Variants in ADGB observed in about 807,000 individuals in gnomAD.
ADGB encodes calpain-7-like protein.
A neutral mutation model predicts 210.5 loss-of-function variants in ADGB; 172 were observed. The ratio of observed to expected loss-of-function variants is 0.82; its 90% CI spans 0.72 to 0.93. The LOEUF is 0.93. ADGB is among the 40% of genes least tolerant of loss of function. The pLI is 0.00. For synonymous variants in ADGB, 658 were observed against 662.7 expected, an observed-to-expected ratio of 0.99 and a Z score of 0.11; for missense variants, 2,025 against 1,964.8, an observed-to-expected ratio of 1.03 and a Z score of -0.58.
At chr6:146,788,282 T>A (rs190439915) in intron 32 of ADGB, 107 bp from the exon 33 acceptor site, 12 of 1,017,640 alleles carry the variant, frequency 1.2e-5, no homozygotes, top group Non-Finnish European at 1.8e-5. Flanking sequence ...ATAGAGCTTT[T>A]GAGTCATCTG....
intron 9 of ADGB, among the ~76,000 whole-genome samples, chr6:146,684,477 G>A (rs1171838747): frequency 6.6e-6 from 1 of 152,140 alleles, no homozygotes; most frequent in East Asian, 1.9e-4. Flanking sequence ...ACTGGTCACT[G>A]CTGAGGGCCA....
intron 1 of ADGB, among the ~76,000 whole-genome samples, chr6:146,628,113 T>A (rs1025396341): frequency 6.6e-6 from 1 of 152,112 alleles, no homozygotes; most frequent in Non-Finnish European, 1.5e-5. Flanking sequence ...AGATGATAGA[T>A]TTTAAAGTCG....
intron 10 of ADGB, among the ~76,000 whole-genome samples, chr6:146,688,194 G>C (rs1413464065): frequency 6.6e-6 from 1 of 151,984 alleles, no homozygotes; most frequent in Non-Finnish European, 1.5e-5. Context: ...AATACAATTA[G>C]AACAGAAGGC....
chr6:146,652,273 T>C (rs1182844718), intron 3 of ADGB, among the ~76,000 whole-genome samples: 1 of 152,234 alleles, frequency 6.6e-6, no homozygotes, highest in Non-Finnish European at 1.5e-5. Flanking sequence ...ATGTATAGCT[T>C]ATCAACTTTG....
chr6:146,634,507 C>T (rs1203963113), intron 1 of ADGB, among the ~76,000 whole-genome samples: 1 of 151,870 alleles, frequency 6.6e-6, no homozygotes, highest in Non-Finnish European at 1.5e-5. Context: ...AAAACTTGAA[C>T]ATTAAATAAT....
At chr6:146,742,636 T>C (rs1437980353) in intron 25 of ADGB, among the ~76,000 whole-genome samples, 1 of 152,204 alleles carries the variant, frequency 6.6e-6, no homozygotes, top group Non-Finnish European at 1.5e-5. Flanking sequence ...ACATATCACT[T>C]AAAAACAGAA....
At chr6:146,674,966 T>A (rs528045435) in intron 8 of ADGB, among the ~76,000 whole-genome samples, 2 of 152,312 alleles carry the variant, frequency 1.3e-5, no homozygotes, top group South Asian at 4.1e-4. Flanking sequence ...TTGAAAATTA[T>A]ACATGCACTC....
chr6:146,616,681 A>T (rs1164172521), intron 1 of ADGB, among the ~76,000 whole-genome samples: 1 of 152,110 alleles, frequency 6.6e-6, no homozygotes, highest in Non-Finnish European at 1.5e-5. Flanking sequence ...TTTATTAAAA[A>T]GACTGTTCTT....
intron 13 of ADGB, among the ~76,000 whole-genome samples, chr6:146,706,849 T>C (rs1776578880): frequency 6.7e-6 from 1 of 150,286 alleles, no homozygotes; most frequent in Non-Finnish European, 1.5e-5. Flanking sequence ...CTTAGTGTTT[T>C]TTTTTTTTTT....
chr6:146,741,642 T>C (rs1400619426), intron 25 of ADGB, among the ~76,000 whole-genome samples: 1 of 152,096 alleles, frequency 6.6e-6, no homozygotes, highest in East Asian at 1.9e-4. Flanking sequence ...TCCCACTGGG[T>C]TTTTATTCTA....
chr6:146,751,598 G>A (rs996123521), intron 26 of ADGB, among the ~76,000 whole-genome samples: 3 of 151,994 alleles, frequency 2.0e-5, no homozygotes. Flanking sequence ...TCTCACCAAC[G>A]GTGTAAAAGA....
chr6:146,641,394 A>C (rs1775511725), intron 2 of ADGB, among the ~76,000 whole-genome samples: 1 of 151,962 alleles, frequency 6.6e-6, no homozygotes, highest in Non-Finnish European at 1.5e-5. Flanking sequence ...ACTAGAAAAA[A>C]CTATTTTAAA....
At chr6:146,739,052 G>A (rs1381788943) in intron 23 of ADGB, among the ~76,000 whole-genome samples, 1 of 152,156 alleles carries the variant, frequency 6.6e-6, no homozygotes, top group Admixed American at 6.5e-5. Flanking sequence ...TAGCTCATCA[G>A]GATTTTGATG....
At position 146,638,609 on chromosome 6, in the gene ADGB, T is replaced by TC. The variant is rs1554221993; in HGVS notation, c.237+3072_237+3073insC. 9.1e-4 allele frequency among the ~76,000 whole-genome samples: 22 copies of TC among 24,154 alleles called. 1 individual carries two copies. In the South Asian group the frequency reaches 0.032, roughly 35 times the overall value. 15.8% of individuals were successfully genotyped at this position (24,154 alleles called of 152,430 possible). A position where few individuals can be genotyped will look rare whatever the true frequency, so the allele number is the denominator to read the frequency against. Reference sequence around the variant, plus strand: ...TCACACACTGGGGCCTGTTGTGGGGTGGGGGGGGGGGGGAGGGATAGCATT... The same window carrying TC: ...TCACACACTGGGGCCTGTTGTGGGGTCGGGGGGGGGGGGGAGGGATAGCATT... On this transcript the variant is annotated intron_variant, in intron 2 of 35. Transcript: ENST00000397944.
Position 146,724,213 on chromosome 6 carries a change from AG to A in ADGB, c.2124del (p.Glu708AspfsTer15). On this transcript the variant is annotated frameshift_variant, in exon 18 of 36. Transcript: ENST00000397944. LOFTEE classifies it high-confidence loss of function. ...TTAACAAAAGACAGTCCTCCCATAG[AG>A]CCTGGACTTCTCACAGCTGAAACGT... ...GALTKDSPPIEPGLLTAETFS... is the reference protein window; with the variant it reads ...GALTKDSPPIXPGLLTAETFS... 4 of 1,550,970 alleles carry A rather than the reference AG, an allele frequency of 2.6e-6. No individual in the cohort carries two copies. Among genetic ancestry groups the A allele is most frequent in the Non-Finnish European group, 3.5e-6 (4 of 1,146,708 alleles).
chr6:146,640,280 C>T (rs1198888572), intron 2 of ADGB, among the ~76,000 whole-genome samples: 1 of 151,846 alleles, frequency 6.6e-6, no homozygotes, highest in Non-Finnish European at 1.5e-5. Flanking sequence ...GGCCTACCAA[C>T]CAAACAAAAG....
At chr6:146,712,075 T>C (rs373397024) in intron 13 of ADGB, among the ~76,000 whole-genome samples, 1 of 151,906 alleles carries the variant, frequency 6.6e-6, no homozygotes, top group Non-Finnish European at 1.5e-5. Flanking sequence ...AAAATGACAT[T>C]CTGATATTCT....
intron 26 of ADGB, among the ~76,000 whole-genome samples, chr6:146,748,870 G>A (rs1189783171): frequency 3.9e-5 from 6 of 152,140 alleles, no homozygotes; most frequent in Non-Finnish European, 7.4e-5. Context: ...ATGAGCCACA[G>A]TGCTCAGTCC....
chr6:146,692,372 T>C (rs1436631809), intron 11 of ADGB, among the ~76,000 whole-genome samples: 1 of 152,208 alleles, frequency 6.6e-6, no homozygotes, highest in Non-Finnish European at 1.5e-5. Context: ...TTTTACCTCA[T>C]GATCATTACT....
Sources: gnomAD v4.1 joint callset for allele counts (sites outside exome capture counted in the v4.1 genomes callset) on GRCh38, gnomAD v4.1.1 for gene constraint, MANE v1.5 for transcripts, NCBI Gene and HGNC (gene_info 2026-07-23, HGNC 2026-07-21) for gene names.